PPM1H: variants seen among roughly 807,000 people sequenced by gnomAD.
The protein encoded by PPM1H is protein phosphatase, Mg2+/Mn2+ dependent 1H, also known as protein phosphatase 1H.
In PPM1H, 27 loss-of-function variants were observed where a neutral mutation model predicts 54.9. The ratio of observed to expected loss-of-function variants is 0.49; its 90% CI spans 0.36 to 0.68. The LOEUF is 0.68. PPM1H is among the 30% of genes least tolerant of loss of function. The pLI is 0.00. For synonymous variants in PPM1H, 305 were observed against 270.8 expected (o/e 1.13, Z -1.24); for missense variants, 596 against 667.8 (o/e 0.89, Z 1.19).
chr12:62,909,635 ACT>A (rs1473443322), intron 1 of PPM1H, among the ~76,000 whole-genome samples: 1 of 151,792 alleles, frequency 6.6e-6, no homozygotes, highest in African/African-American at 2.4e-5. Context: ...CTTCTCTGAC[ACT>A]CTCTGTGAAG....
At chr12:62,651,081 G>A (rs2075813540) in intron 9 of PPM1H, among the ~76,000 whole-genome samples, 1 of 152,168 alleles carries the variant, frequency 6.6e-6, no homozygotes, top group African/African-American at 2.4e-5. Context: ...TTGCCTATCA[G>A]GCCTGAACAC....
intron 5 of PPM1H, among the ~76,000 whole-genome samples, chr12:62,735,902 GA>G (rs1340886544): frequency 6.6e-6 from 1 of 152,238 alleles, no homozygotes; most frequent in African/African-American, 2.4e-5. Flanking sequence ...ATATGTCCTG[GA>G]AATGGAAGGT....
At chr12:62,930,242 A>C (rs2121190936) in intron 1 of PPM1H, among the ~76,000 whole-genome samples, 1 of 152,344 alleles carries the variant, frequency 6.6e-6, no homozygotes, top group East Asian at 1.9e-4. Context: ...CATAATTTTC[A>C]ACTCTGTGAG....
chr12:62,650,795 A>C (rs185980277), intron 9 of PPM1H, among the ~76,000 whole-genome samples: 21 of 152,236 alleles, frequency 1.4e-4, no homozygotes, highest in Admixed American at 1.2e-3. Flanking sequence ...TCACTATCGT[A>C]AGAACAGCAT....
chr12:62,684,286 A>G (rs1336963472), intron 8 of PPM1H, among the ~76,000 whole-genome samples: 3 of 152,128 alleles, frequency 2.0e-5, no homozygotes, highest in East Asian at 3.9e-4. Context: ...CTTGGAATTC[A>G]GTTCTTGGCC....
At chr12:62,877,436 A>G (rs1183886838) in intron 1 of PPM1H, among the ~76,000 whole-genome samples, 1 of 152,196 alleles carries the variant, frequency 6.6e-6, no homozygotes, top group East Asian at 1.9e-4. Context: ...TGCTTCTAGC[A>G]TCACTGCCCG....
chr12:62,671,735 C>T (rs752702834), intron 8 of PPM1H, among the ~76,000 whole-genome samples: 10 of 152,150 alleles, frequency 6.6e-5, no homozygotes. Context: ...CTTGCACCTC[C>T]CCAACCTTCT....
At chr12:62,859,935 T>G (rs906240919) in intron 1 of PPM1H, among the ~76,000 whole-genome samples, 1 of 152,168 alleles carries the variant, frequency 6.6e-6, no homozygotes, top group African/African-American at 2.4e-5. Flanking sequence ...ACAGAGAACA[T>G]TATAAACCCA....
intron 2 of PPM1H, among the ~76,000 whole-genome samples, chr12:62,820,562 A>AGCAACATTTGCCGTTCT (rs1258451677): frequency 6.6e-6 from 1 of 152,236 alleles, no homozygotes; most frequent in Non-Finnish European, 1.5e-5. Context: ...ACGATCAGGC[A>AGCAACATTTGCCGTTCT]GCAACATTTG....
At chr12:62,720,078 C>T in intron 6 of PPM1H, 93 bp downstream of exon 6, 2 of 1,118,468 alleles carry the variant, frequency 1.8e-6, no homozygotes, top group South Asian at 2.7e-5. Context: ...GGCTGTGCTT[C>T]CTGATCCAAA....
intron 1 of PPM1H, among the ~76,000 whole-genome samples, chr12:62,867,317 G>C (rs1869810294): frequency 1.3e-5 from 2 of 151,998 alleles, no homozygotes; most frequent in African/African-American, 4.8e-5. Flanking sequence ...CTGCACATTA[G>C]AAGTGCTGAA....
intron 4 of PPM1H, among the ~76,000 whole-genome samples, chr12:62,776,038 T>G (rs891644706): frequency 1.3e-5 from 2 of 152,178 alleles, no homozygotes; most frequent in African/African-American, 4.8e-5. Flanking sequence ...GAAACTGCCC[T>G]TTATGAAACT....
chr12:62,874,884 C>T (rs1870106688), intron 1 of PPM1H, among the ~76,000 whole-genome samples: 1 of 152,176 alleles, frequency 6.6e-6, no homozygotes, highest in South Asian at 2.1e-4. Flanking sequence ...AATTGTGTAA[C>T]ACTGAACACT....
chr12:62,793,588 A>G (rs1176571745), intron 3 of PPM1H, among the ~76,000 whole-genome samples: 1 of 151,854 alleles, frequency 6.6e-6, no homozygotes, highest in African/African-American at 2.4e-5. Flanking sequence ...GCCGGGTGTG[A>G]TGGCGCATGC....
rs111229334 is a variant in PPM1H at position 62,710,190 on chromosome 12, C to A, written c.1073+9981G>T. On this transcript the variant is annotated intron_variant, in intron 6 of 9. Coordinates refer to ENST00000228705, the MANE Select transcript of PPM1H (RefSeq NM_020700.2). ...TTTAACCACAGATGGGCTTGACCCTCCCAGCTTCTTGGGTATGGTTTGGAA... is the reference window on the plus strand; with the variant it reads ...TTTAACCACAGATGGGCTTGACCCTACCAGCTTCTTGGGTATGGTTTGGAA... Among the ~76,000 whole-genome samples, 125 of 152,150 alleles carry A rather than the reference C, an allele frequency of 8.2e-4. 2 individuals carry two copies. The highest frequency in any genetic ancestry group is 2.8e-4 in the Non-Finnish European group (19 of 68,032).
Position 62,668,488 on chromosome 12 carries a change from G to A in PPM1H, c.1246-1159C>T, listed in dbSNP as rs922163078. Among the ~76,000 whole-genome samples, 6 of 152,156 alleles carry A rather than the reference G, an allele frequency of 3.9e-5. No homozygotes were observed. In the East Asian group the frequency reaches 9.7e-4, roughly 24 times the overall value. On this transcript the variant is annotated intron_variant, in intron 8 of 9. Coordinates refer to ENST00000228705, the MANE Select transcript of PPM1H (RefSeq NM_020700.2). ...CCTCCAGGGTTCAAGCGATTCTCCC[G>A]CTTCAGCCTCCCAAGTAGCTGGGAT...
chr12:62,875,851 TG>T (rs1349110981), intron 1 of PPM1H, among the ~76,000 whole-genome samples: 1 of 152,192 alleles, frequency 6.6e-6, no homozygotes, highest in African/African-American at 2.4e-5. Context: ...TAGGGAGAAC[TG>T]GGCATCACTA....
intron 8 of PPM1H, among the ~76,000 whole-genome samples, chr12:62,688,565 CTA>C (rs1378035277): frequency 1.3e-5 from 2 of 152,154 alleles, no homozygotes; most frequent in African/African-American, 4.8e-5. Context: ...ATACTGTTTC[CTA>C]TATGGTAAGA....
intron 9 of PPM1H, among the ~76,000 whole-genome samples, chr12:62,662,681 T>C (rs185570429): frequency 6.6e-6 from 1 of 152,206 alleles, no homozygotes; most frequent in South Asian, 2.1e-4. Context: ...GAAGTAATTA[T>C]AGATTACAGG....
Sources: gnomAD v4.1 joint callset for allele counts (sites outside exome capture counted in the v4.1 genomes callset) on GRCh38, gnomAD v4.1.1 for gene constraint, MANE v1.5 for transcripts, NCBI Gene and HGNC (gene_info 2026-07-23, HGNC 2026-07-21) for gene names.